The following ROR1 variants were observed in gnomAD, a reference collection of about 807,000 sequenced individuals.
The protein encoded by ROR1 is inactive tyrosine-protein kinase transmembrane receptor ROR1.
A neutral mutation model predicts 78.8 loss-of-function variants in ROR1; 19 were observed. The observed-to-expected ratio is 0.24, with a 90% confidence interval of 0.17 to 0.35. The LOEUF (loss-of-function observed/expected upper bound fraction) is 0.35. ROR1 is among the 10% of genes least tolerant of loss of function. ROR1 has a pLI of 1.00. For synonymous variants in ROR1, 386 were observed against 433.6 expected (o/e 0.89, Z 1.36); for missense variants, 917 against 1,177.8 (o/e 0.78, Z 3.24).
At chr1:64,163,382 C>T (rs540693375) in intron 8 of ROR1, among the ~76,000 whole-genome samples, 25 of 152,028 alleles carry the variant, frequency 1.6e-4, no homozygotes, top group African/African-American at 6.0e-4. Flanking sequence ...CATGCCACTG[C>T]ACTCCAGCCT....
intron 2 of ROR1, among the ~76,000 whole-genome samples, chr1:64,045,766 GTCA>G (rs1248492335): frequency 2.0e-5 from 3 of 152,044 alleles, no homozygotes; most frequent in Non-Finnish European, 4.4e-5. Context: ...TGTTGTCAGT[GTCA>G]TCATCATCAT....
chr1:63,774,372 G>T lies in ROR1; in HGVS notation c.-46G>T. The stretch of plus-strand genomic sequence containing the variant: ...CGGGAAGAGCCCGTGGATGTTCTGC[G>T]CGCGGCCTGGGAGCCGCCGCCGCCG... On this transcript the variant is annotated 5_prime_UTR_variant, in exon 1 of 9. Coordinates refer to ENST00000371079, the MANE Select transcript of ROR1 (RefSeq NM_005012.4). The surrounding 1 kb of genome is among the most constrained non-coding windows in gnomAD (Gnocchi z 5.7). 8.2e-7 allele frequency: 1 copy of T among 1,219,324 alleles called. No individual in the cohort carries two copies. The highest frequency in any genetic ancestry group is 1.7e-5 in the South Asian group (1 of 57,352). 75.5% of individuals were successfully genotyped at this position (1,219,324 alleles called of 1,614,324 possible).
intron 4 of ROR1, among the ~76,000 whole-genome samples, chr1:64,101,577 A>G (rs1647546516): frequency 6.6e-6 from 1 of 152,170 alleles, no homozygotes; most frequent in Non-Finnish European, 1.5e-5. Context: ...CTAAGAACGA[A>G]GGATATGACA....
At chr1:64,014,509 G>A (rs1241329036) in intron 2 of ROR1, among the ~76,000 whole-genome samples, 2 of 150,392 alleles carry the variant, frequency 1.3e-5, no homozygotes, top group Non-Finnish European at 3.0e-5. Flanking sequence ...TGTTGGGGTG[G>A]GTGTGATAAG....
chr1:64,177,375 C>G, intron 8 of ROR1, 53 bp from the exon 9 acceptor site: 1 of 1,372,260 alleles, frequency 7.3e-7, no homozygotes, highest in South Asian at 1.3e-5. Context: ...GGATGCAAAG[C>G]TGTCTTGCCT....
chr1:63,889,826 T>C (rs1022265021), intron 1 of ROR1, among the ~76,000 whole-genome samples: 5 of 152,208 alleles, frequency 3.3e-5, no homozygotes, highest in Admixed American at 3.3e-4. Flanking sequence ...GAAACTACCC[T>C]GAAGGGAAGA....
intron 1 of ROR1, among the ~76,000 whole-genome samples, chr1:63,981,413 G>A (rs1218356190): frequency 1.3e-5 from 2 of 152,126 alleles, no homozygotes; most frequent in African/African-American, 4.8e-5. Flanking sequence ...TTCCCAGGTG[G>A]GGCTAAGTGG....
chr1:63,919,845 T>A (rs1569910958), intron 1 of ROR1, among the ~76,000 whole-genome samples: 1 of 152,184 alleles, frequency 6.6e-6, no homozygotes, highest in Admixed American at 6.5e-5. Flanking sequence ...TAAAGCTTCG[T>A]CTCAGAATAT....
chr1:64,175,004 G>T (rs1052440308), intron 8 of ROR1, among the ~76,000 whole-genome samples: 351 of 138,918 alleles, frequency 2.5e-3, no homozygotes, highest in African/African-American at 8.5e-3. Flanking sequence ...TTCGCCTATT[G>T]TTTTTTTTTT....
chr1:64,172,266 C>T (rs765829166), intron 8 of ROR1, among the ~76,000 whole-genome samples: 3 of 152,118 alleles, frequency 2.0e-5, no homozygotes, highest in Non-Finnish European at 4.4e-5. Flanking sequence ...CTAAATGACT[C>T]GCATCTAAAA....
chr1:63,809,113 T>C (rs1011488874), intron 1 of ROR1, among the ~76,000 whole-genome samples: 1 of 152,188 alleles, frequency 6.6e-6, no homozygotes, highest in Admixed American at 6.5e-5. Context: ...CACAGCCAAT[T>C]CCAGGCAAGG....
chr1:63,897,739 C>G (rs191202037), intron 1 of ROR1, among the ~76,000 whole-genome samples: 33 of 152,294 alleles, frequency 2.2e-4, no homozygotes, highest in Admixed American at 1.4e-3. Flanking sequence ...AAATATTTAT[C>G]AAATGAACTG....
chr1:63,796,881 A>G (rs769778396), intron 1 of ROR1, among the ~76,000 whole-genome samples: 3 of 152,162 alleles, frequency 2.0e-5, no homozygotes, highest in Admixed American at 1.3e-4. Flanking sequence ...GCTCCTCAGT[A>G]TCATTGCAAG....
chr1:63,962,425 A>C (rs986015754), intron 1 of ROR1, among the ~76,000 whole-genome samples: 1 of 152,224 alleles, frequency 6.6e-6, no homozygotes, highest in African/African-American at 2.4e-5. Flanking sequence ...CATAAGCTAG[A>C]AAAGAAAAAT....
chr1:63,930,809 C>A (rs956032052), intron 1 of ROR1, among the ~76,000 whole-genome samples: 1 of 152,222 alleles, frequency 6.6e-6, no homozygotes, highest in African/African-American at 2.4e-5. Context: ...TTACCAACTT[C>A]TATTCACATG....
chr1:63,951,137 G>A (rs1020535935), intron 1 of ROR1, among the ~76,000 whole-genome samples: 5 of 152,192 alleles, frequency 3.3e-5, no homozygotes, highest in Non-Finnish European at 5.9e-5. Flanking sequence ...GTGGTTGTTA[G>A]CAAAAGAATG....
intron 1 of ROR1, among the ~76,000 whole-genome samples, chr1:63,945,338 G>A (rs1030517940): frequency 1.3e-5 from 2 of 152,026 alleles, no homozygotes; most frequent in Non-Finnish European, 2.9e-5. Flanking sequence ...AATATTTTCT[G>A]TGTGTGATTC....
intron 8 of ROR1, among the ~76,000 whole-genome samples, chr1:64,165,575 A>G (rs775597410): frequency 1.3e-5 from 2 of 150,860 alleles, no homozygotes; most frequent in East Asian, 2.0e-4. Flanking sequence ...ATAAGATCCC[A>G]TTTGTCAATT....
At chr1:64,058,358 T>G (rs1646890830) in intron 4 of ROR1, among the ~76,000 whole-genome samples, 1 of 152,042 alleles carries the variant, frequency 6.6e-6, no homozygotes. Flanking sequence ...GAACCCTCAG[T>G]ACAATGTTGA....
Sources: allele counts gnomAD v4.1 joint callset (sites outside exome capture counted in the v4.1 genomes callset), GRCh38; gene constraint gnomAD v4.1.1; non-coding constraint Gnocchi (gnomAD v3.1); transcripts MANE v1.5; gene names NCBI Gene and HGNC (gene_info 2026-07-23, HGNC 2026-07-21).